The following CNTNAP2 variants were observed in gnomAD, a reference collection of about 807,000 sequenced individuals.
CNTNAP2 encodes contactin-associated protein-like 2.
Under a neutral mutation model 155.2 loss-of-function variants are expected in CNTNAP2, and 98 were observed. The observed-to-expected ratio is 0.63, with a 90% CI of 0.54 to 0.75. The LOEUF (loss-of-function observed/expected upper bound fraction) is 0.75. Ranked by LOEUF, CNTNAP2 falls within the 30% of genes least tolerant of loss-of-function variation. The pLI, the probability that CNTNAP2 is intolerant of heterozygous loss-of-function variation, is 0.00. For synonymous variants in CNTNAP2, 651 were observed against 631.2 expected, an observed-to-expected ratio of 1.03 and a Z score of -0.47; for missense variants, 1,727 against 1,688.1, an observed-to-expected ratio of 1.02 and a Z score of -0.40.
chr7:147,724,847 A>C (rs115962373), intron 13 of CNTNAP2, among the ~76,000 whole-genome samples: 1 of 151,998 alleles, frequency 6.6e-6, no homozygotes, highest in Non-Finnish European at 1.5e-5. Context: ...AGATGCCACT[A>C]CTGTGAGTTG....
chr7:146,887,550 T>C (rs1200377315), intron 3 of CNTNAP2, among the ~76,000 whole-genome samples: 3 of 152,290 alleles, frequency 2.0e-5, no homozygotes, highest in African/African-American at 7.2e-5. Context: ...AGTAAAGCCA[T>C]TGAATCAGTT....
intron 3 of CNTNAP2, among the ~76,000 whole-genome samples, chr7:147,017,545 A>T (rs1798746335): frequency 6.6e-6 from 1 of 152,072 alleles, no homozygotes; most frequent in South Asian, 2.1e-4. Flanking sequence ...TTACCTTTAA[A>T]TTTTTAACAT....
At chr7:146,248,821 G>A (rs557756354) in intron 1 of CNTNAP2, among the ~76,000 whole-genome samples, 158 of 152,234 alleles carry the variant, frequency 1.0e-3, no homozygotes, top group Non-Finnish European at 1.9e-3. Flanking sequence ...AATTTCATGC[G>A]CCTCCGTGTG....
chr7:148,380,860 T>C (rs899997807), intron 21 of CNTNAP2, among the ~76,000 whole-genome samples: 1 of 152,200 alleles, frequency 6.6e-6, no homozygotes, highest in Non-Finnish European at 1.5e-5. Flanking sequence ...CCTGACCGCT[T>C]TGTGGGACTT....
intron 21 of CNTNAP2, among the ~76,000 whole-genome samples, chr7:148,338,843 G>T (rs1306997425): frequency 6.6e-6 from 1 of 152,142 alleles, no homozygotes. Context: ...AGGAGAAGGG[G>T]AAGAGAAAGG....
intron 3 of CNTNAP2, among the ~76,000 whole-genome samples, chr7:146,843,174 A>G (rs2727630): frequency 0.96 from 120,677 of 125,170 alleles, 58,231 homozygotes; most frequent in East Asian, 1. Flanking sequence ...CACCGCGCCC[A>G]GCTAATTTTT....
At chr7:146,590,086 C>T (rs1351373381) in intron 1 of CNTNAP2, among the ~76,000 whole-genome samples, 1 of 152,112 alleles carries the variant, frequency 6.6e-6, no homozygotes, top group African/African-American at 2.4e-5. Context: ...ATTAGCTTTC[C>T]GGCTTCGTTG....
chr7:147,100,727 G>A (rs1276090232), intron 4 of CNTNAP2, among the ~76,000 whole-genome samples: 1 of 152,142 alleles, frequency 6.6e-6, no homozygotes, highest in Non-Finnish European at 1.5e-5. Context: ...GTTTAGAGGG[G>A]AAATAATAAC....
At chr7:146,328,417 G>T (rs7778737) in intron 1 of CNTNAP2, among the ~76,000 whole-genome samples, 1 of 151,800 alleles carries the variant, frequency 6.6e-6, no homozygotes, top group African/African-American at 2.4e-5. Context: ...AAGAAACAAC[G>T]TATATATTTA....
intron 1 of CNTNAP2, among the ~76,000 whole-genome samples, chr7:146,408,436 A>G (rs1406714979): frequency 6.6e-6 from 1 of 152,030 alleles, no homozygotes; most frequent in African/African-American, 2.4e-5. Context: ...AATCTTGGCA[A>G]TTTCCTCGAA....
chr7:147,707,548 C>G (rs914905614), intron 13 of CNTNAP2, among the ~76,000 whole-genome samples: 10 of 152,280 alleles, frequency 6.6e-5, no homozygotes, highest in African/African-American at 2.2e-4. Flanking sequence ...CCAAACATGC[C>G]TTTCCTTGGG....
intron 15 of CNTNAP2, among the ~76,000 whole-genome samples, chr7:148,032,017 A>G (rs1489708762): frequency 1.3e-5 from 2 of 152,122 alleles, no homozygotes; most frequent in Non-Finnish European, 2.9e-5. Context: ...ATCGCCTCCC[A>G]TCTGTCTGCC....
At chr7:147,038,311 C>A (rs1197519292) in intron 3 of CNTNAP2, among the ~76,000 whole-genome samples, 1 of 152,064 alleles carries the variant, frequency 6.6e-6, no homozygotes, top group Non-Finnish European at 1.5e-5. Flanking sequence ...TGTCCAATAA[C>A]ATCTTTTAAT....
At chr7:147,162,244 A>T (rs1456914802) in intron 8 of CNTNAP2, 2 of 152,078 alleles carry the variant, frequency 1.3e-5, no homozygotes, top group Non-Finnish European at 2.9e-5. Context: ...TGTTTATGTG[A>T]CTCCATATAT....
intron 8 of CNTNAP2, among the ~76,000 whole-genome samples, chr7:147,152,159 T>G (rs1429675236): frequency 6.6e-6 from 1 of 152,108 alleles, no homozygotes; most frequent in Non-Finnish European, 1.5e-5. Context: ...ACATAGGGGA[T>G]TAAATCTGCT....
chr7:147,381,436 C>T (rs1031492486), intron 9 of CNTNAP2, among the ~76,000 whole-genome samples: 6 of 152,068 alleles, frequency 3.9e-5, no homozygotes, highest in Non-Finnish European at 8.8e-5. Flanking sequence ...ATGACTGTAT[C>T]TGCCGATGTT....
chr7:147,871,094 C>A (rs141896146), intron 13 of CNTNAP2, among the ~76,000 whole-genome samples: 65 of 152,264 alleles, frequency 4.3e-4, no homozygotes, highest in Middle Eastern at 3.4e-3. Flanking sequence ...GCCTCCCTTC[C>A]AGATGATCTC....
intron 1 of CNTNAP2, among the ~76,000 whole-genome samples, chr7:146,398,282 C>G (rs1232756017): frequency 2.0e-5 from 3 of 149,920 alleles, no homozygotes; most frequent in Admixed American, 6.7e-5. Flanking sequence ...CACACTTCCA[C>G]AGGGCTAGGA....
intron 13 of CNTNAP2, among the ~76,000 whole-genome samples, chr7:147,875,582 A>G (rs1261243824): frequency 2.0e-5 from 3 of 152,072 alleles, no homozygotes; most frequent in Non-Finnish European, 2.9e-5. Flanking sequence ...GGAAAATAAA[A>G]CAAAGTAATT....
Sources: gnomAD v4.1 joint callset for allele counts (sites outside exome capture counted in the v4.1 genomes callset) on GRCh38, gnomAD v4.1.1 for gene constraint, MANE v1.5 for transcripts, NCBI Gene and HGNC (gene_info 2026-07-23, HGNC 2026-07-21) for gene names.